Variants in AUTS2 observed in about 807,000 individuals in gnomAD.
AUTS2 encodes autism susceptibility gene 2 protein.
Under a neutral mutation model 112.4 loss-of-function variants are expected in AUTS2, and 17 were observed. That is an observed-to-expected ratio of 0.15 (90% confidence interval 0.10 to 0.23). The LOEUF (loss-of-function observed/expected upper bound fraction) is 0.23. Ranked by LOEUF, AUTS2 falls within the 10% of genes least tolerant of loss-of-function variation. The probability of loss-of-function intolerance (pLI) is 1.00; values close to 1 mark genes in which losing one functional copy is unlikely to be tolerated. For missense variants in AUTS2, 1,510 were observed against 1,701.6 expected (o/e 0.89, Z 1.98); for synonymous variants, 751 against 702.7 (o/e 1.07, Z -1.09).
chr7:69,614,393 T>G, intron 1 of AUTS2, among the ~76,000 whole-genome samples: 1 of 128,446 alleles, frequency 7.8e-6, no homozygotes, highest in Admixed American at 8.0e-5. Context: ...TCTCACTCTG[T>G]TTCCCAGGCT....
chr7:69,997,469 G>T (rs1430294760), intron 2 of AUTS2, among the ~76,000 whole-genome samples: 1 of 152,156 alleles, frequency 6.6e-6, no homozygotes, highest in Non-Finnish European at 1.5e-5. Flanking sequence ...TAGTCCATTT[G>T]TGTTCCTATA....
chr7:70,591,572 T>C (rs774161579), intron 5 of AUTS2, among the ~76,000 whole-genome samples: 1 of 152,152 alleles, frequency 6.6e-6, no homozygotes, highest in African/African-American at 2.4e-5. Context: ...TAACTTTATA[T>C]ATTTTTAGTA....
intron 1 of AUTS2, among the ~76,000 whole-genome samples, chr7:69,704,991 C>A (rs971292057): frequency 6.6e-6 from 1 of 152,194 alleles, no homozygotes; most frequent in Non-Finnish European, 1.5e-5. Context: ...CTCAGCCTCC[C>A]CAGTAGCTGG....
intron 5 of AUTS2, among the ~76,000 whole-genome samples, chr7:70,612,340 G>T (rs1474066192): frequency 6.6e-6 from 1 of 152,178 alleles, no homozygotes; most frequent in East Asian, 1.9e-4. Context: ...TCCCTGTAGA[G>T]ATAGCAGATC....
intron 5 of AUTS2, among the ~76,000 whole-genome samples, chr7:70,629,946 A>G (rs1563087359): frequency 6.6e-6 from 1 of 152,140 alleles, no homozygotes; most frequent in East Asian, 1.9e-4. Flanking sequence ...ATTTCAATTA[A>G]TGGATCATTT....
At chr7:70,510,906 T>C (rs1194092089) in intron 5 of AUTS2, among the ~76,000 whole-genome samples, 2 of 152,200 alleles carry the variant, frequency 1.3e-5, no homozygotes, top group African/African-American at 4.8e-5. Context: ...TGGAGTGCGA[T>C]GGCGCGATCT....
At chr7:70,143,102 A>G (rs17366824) in intron 4 of AUTS2, among the ~76,000 whole-genome samples, 3,734 of 152,342 alleles carry the variant, frequency 0.025, 62 homozygotes, top group Non-Finnish European at 0.038. Context: ...TAAGAAACTT[A>G]TAGCTTGGTG....
chr7:70,718,433 CG>C (rs1225176008), intron 6 of AUTS2, among the ~76,000 whole-genome samples: 7 of 152,140 alleles, frequency 4.6e-5, no homozygotes, highest in Non-Finnish European at 7.4e-5. Flanking sequence ...GAGCCTGGGG[CG>C]GGCGGATCAC....
At chr7:69,659,733 C>A (rs993467440) in intron 1 of AUTS2, among the ~76,000 whole-genome samples, 15 of 151,950 alleles carry the variant, frequency 9.9e-5, no homozygotes, top group Admixed American at 6.6e-5. Context: ...TTTCTACTAT[C>A]CCACTTCCTC....
chr7:70,242,372 C>T (rs894271610), intron 4 of AUTS2, among the ~76,000 whole-genome samples: 3 of 152,104 alleles, frequency 2.0e-5, no homozygotes, highest in African/African-American at 4.8e-5. Flanking sequence ...ATCTTTGGCT[C>T]TCCTCTCTCA....
At chr7:69,911,803 G>C (rs1047949331) in intron 2 of AUTS2, among the ~76,000 whole-genome samples, 1 of 152,156 alleles carries the variant, frequency 6.6e-6, no homozygotes, top group Non-Finnish European at 1.5e-5. Context: ...AGCACCATCC[G>C]ATTGGCCAAA....
chr7:70,745,248 A>G (rs1230105169), intron 6 of AUTS2, among the ~76,000 whole-genome samples: 2 of 152,138 alleles, frequency 1.3e-5, no homozygotes, highest in Admixed American at 6.5e-5. Context: ...TCATTCGGGC[A>G]TCATTTCTTC....
chr7:70,036,363 T>G (rs545682864), intron 2 of AUTS2, among the ~76,000 whole-genome samples: 4 of 152,366 alleles, frequency 2.6e-5, no homozygotes, highest in African/African-American at 7.2e-5. Flanking sequence ...GCTAGAACAA[T>G]TAAAAGCTGA....
At chr7:70,208,526 T>G (rs1319394922) in intron 4 of AUTS2, among the ~76,000 whole-genome samples, 1 of 152,150 alleles carries the variant, frequency 6.6e-6, no homozygotes, top group African/African-American at 2.4e-5. Flanking sequence ...AAAATTTATA[T>G]TAAGCATCTA....
intron 1 of AUTS2, among the ~76,000 whole-genome samples, chr7:69,649,628 C>G (rs1240568857): frequency 6.6e-6 from 1 of 151,932 alleles, no homozygotes; most frequent in Non-Finnish European, 1.5e-5. Context: ...AGAACACTCA[C>G]TAGTTGCTAA....
intron 1 of AUTS2, among the ~76,000 whole-genome samples, chr7:69,866,276 C>T (rs1584360991): frequency 2.0e-5 from 3 of 152,168 alleles, no homozygotes; most frequent in African/African-American, 7.2e-5. Flanking sequence ...CCCTCCCATA[C>T]CCAAACAACC....
intron 1 of AUTS2, among the ~76,000 whole-genome samples, chr7:69,685,784 C>G (rs1207144476): frequency 6.7e-6 from 1 of 150,114 alleles, no homozygotes; most frequent in Non-Finnish European, 1.5e-5. Flanking sequence ...TCTGGAATTC[C>G]TGAGCTCAAG....
chr7:70,616,686 A>G lies in AUTS2; in HGVS notation c.691-81883A>G, dbSNP rs367766241. On this transcript the variant is annotated intron_variant, in intron 5 of 18. Coordinates refer to ENST00000342771, the MANE Select transcript of AUTS2 (RefSeq NM_015570.4). ...AGTGGTCAGGGTTAAAAATCAACGT[A>G]TCTTTAAAGTAAGCCAATGTGCTTC... Among the ~76,000 whole-genome samples the G allele has an allele frequency of 1.6e-4, 25 of 151,998 alleles. No homozygotes were observed. The East Asian group carries it at 2.3e-3, about 14-fold the overall frequency.
intron 3 of AUTS2, among the ~76,000 whole-genome samples, chr7:70,127,324 G>C (rs1806029861): frequency 6.6e-6 from 1 of 151,846 alleles, no homozygotes; most frequent in Non-Finnish European, 1.5e-5. Context: ...AGTAGAAATG[G>C]GGTTTCGCCA....
Sources: allele counts gnomAD v4.1 joint callset (sites outside exome capture counted in the v4.1 genomes callset), GRCh38; gene constraint gnomAD v4.1.1; transcripts MANE v1.5; gene names NCBI Gene and HGNC (gene_info 2026-07-23, HGNC 2026-07-21).